Variants in CUL7 observed in about 807,000 individuals in gnomAD.
The protein encoded by CUL7 is cullin 7.
Under a neutral mutation model 177.7 loss-of-function variants are expected in CUL7, and 96 were observed. That is an observed-to-expected ratio of 0.54 (90% CI 0.46 to 0.64). The LOEUF (loss-of-function observed/expected upper bound fraction) is 0.64. Among genes scored for constraint, CUL7 ranks in the 30% least tolerant of loss-of-function variants. The probability of loss-of-function intolerance (pLI) is 0.00; values close to 1 mark genes in which losing one functional copy is unlikely to be tolerated. For missense variants in CUL7, 1,893 were observed against 2,187.9 expected (o/e 0.87, Z 2.69); for synonymous variants, 824 against 890.2 (o/e 0.93, Z 1.32).
chr6:43,038,899 C>T lies in CUL7; in HGVS notation c.4383G>A (p.Gln1461=). The change falls in exon 23 of 26, where the codon CAG becomes CAA. Residue 1461 remains glutamine, a synonymous_variant. Transcript: ENST00000265348. ...LGWAELQFGN[Q]TLHVSTVQMW... The stretch of plus-strand genomic sequence containing the variant: ...TCTGCACGGTGGACACATGCAGGGT[C>T]TGGTTCCCAAACTGCAGCTCAGCCC... The T allele has an allele frequency of 6.2e-7, 1 of 1,614,218 alleles. No individual in the cohort carries two copies. The highest frequency in any genetic ancestry group is 2.2e-5 in the East Asian group (1 of 44,888).
In CUL7 at chr6:43,044,655, G is replaced by A. The variant is rs888815892; in HGVS notation, c.3172+97C>T. ...ACAAATGCAGGTGCCAAAAGGGCCA[G>A]GACATAATCCAGGTGGTTCTAGGGT... is the stretch of plus-strand genomic sequence containing the variant. On this transcript the variant is annotated intron_variant, in intron 16 of 25. Transcript: ENST00000265348. 8.6e-6 allele frequency: 13 copies of A among 1,512,878 alleles called. No homozygotes were observed. The Admixed American group carries it at 2.6e-4, about 30-fold the overall frequency. 93.7% of individuals were successfully genotyped at this position (1,512,878 alleles called of 1,614,324 possible). A position where few individuals can be genotyped will look rare whatever the true frequency, so the allele number is the denominator to read the frequency against.
chr6:43,039,822 A>G (rs1458295856), intron 22 of CUL7, among the ~76,000 whole-genome samples: 1 of 143,724 alleles, frequency 7.0e-6, no homozygotes, highest in East Asian at 2.0e-4. Flanking sequence ...TCACTGCAAC[A>G]TCTGCCTGTG....
intron 10 of CUL7, 53 bp from the exon 11 acceptor site, chr6:43,046,654 A>G: frequency 6.2e-7 from 1 of 1,609,302 alleles, no homozygotes; most frequent in Non-Finnish European, 8.5e-7. Flanking sequence ...GAACACGGAG[A>G]CACACACGGA....
At position 43,052,438 on chromosome 6, in the gene CUL7, G is replaced by A; in HGVS notation, c.351C>T (p.Leu117=). ...LEEMETDVKS[L]IQRALRQLEE... is the part of the protein sequence containing the mutation. Reference sequence around the variant, plus strand: ...CCAGCTGCCGAAGGGCTCTCTGAATGAGGGACTTCACGTCGGTTTCCATCT... The same window carrying A: ...CCAGCTGCCGAAGGGCTCTCTGAATAAGGGACTTCACGTCGGTTTCCATCT... The change falls in exon 2 of 26, where the codon CTC becomes CTT. Residue 117 remains leucine, a synonymous_variant. Transcript: ENST00000265348. This position sits in a 1 kb window ranked among gnomAD's most constrained non-coding sequence, Gnocchi z 4.5. The A allele has an allele frequency of 1.2e-6, 2 of 1,614,116 alleles. No homozygotes were observed. The highest frequency in any genetic ancestry group is 1.7e-6 in the Non-Finnish European group (2 of 1,179,934).
Position 43,049,959 on chromosome 6 carries a change from C to G in CUL7, c.1569+4G>C, listed in dbSNP as rs1764259208. ...ACCTCTGAGTGTCTCCAGGCTGGCTCTACCTCCCCATCTAGGTTCTCCTGG... is the reference window on the plus strand; with the variant it reads ...ACCTCTGAGTGTCTCCAGGCTGGCTGTACCTCCCCATCTAGGTTCTCCTGG... On this transcript the variant is annotated splice_donor_region_variant and intron_variant, in intron 6 of 25. Coordinates refer to ENST00000265348, the MANE Select transcript of CUL7 (RefSeq NM_014780.5). 2 of 1,613,742 alleles carry G rather than the reference C, an allele frequency of 1.2e-6. No homozygotes were observed. Among genetic ancestry groups the G allele is most frequent in the Non-Finnish European group, 1.7e-6 (2 of 1,179,832 alleles).
rs1478816579 is a variant in CUL7, at chr6:43,047,173, A to ACT, written c.2170-67_2170-66insAG. On this transcript the variant is annotated intron_variant, in intron 9 of 25. Transcript: ENST00000265348. ...CGAGGGCCACAAGGGCACCTGCAGTAGCAGGTACCCACTGTGTACTCTGTG... is the reference window on the plus strand; with the variant it reads ...CGAGGGCCACAAGGGCACCTGCAGTACTGCAGGTACCCACTGTGTACTCTGTG... 6 of 871,608 alleles carry ACT rather than the reference A, an allele frequency of 6.9e-6. No individual in the cohort carries two copies. In the African/African-American group the frequency reaches 9.9e-5, roughly 14 times the overall value. 54.0% of individuals were successfully genotyped at this position (871,608 alleles called of 1,614,324 possible).
At chr6:43,048,668 A>G (rs1764133718) in intron 7 of CUL7, 99 bp from the exon 8 acceptor site, 2 of 890,342 alleles carry the variant, frequency 2.2e-6, no homozygotes, top group Non-Finnish European at 3.5e-6. Context: ...AATTTCTCCT[A>G]AAAAATGTTT....
chr6:43,051,408 C>G lies in CUL7; in HGVS notation c.793G>C (p.Asp265His), dbSNP rs1184609254. The G allele has an allele frequency of 9.3e-6, 15 of 1,614,126 alleles. No homozygotes were observed. Among genetic ancestry groups the G allele is most frequent in the Non-Finnish European group, 1.3e-5 (15 of 1,180,024 alleles). The change falls in exon 4 of 26, where the codon GAT becomes CAT. Residue 265 changes from aspartate to histidine, a missense_variant. Physicochemically the swap from Asp to His is moderately conservative, Grantham distance 81 (BLOSUM62 -1). Transcript: ENST00000265348. The surrounding 1 kb of genome is among the most constrained non-coding windows in gnomAD (Gnocchi z 5.0). Reference protein sequence around the residue: ...KRYLHVTSLLDQLNDSAAEPG... With the variant: ...KRYLHVTSLLHQLNDSAAEPG... ...TCCGCAGCACTGTCGTTCAGCTGAT[C>G]CAGGAGCGAGGTGACATGCAAATAC... is the stretch of plus-strand genomic sequence containing the variant.
chr6:43,045,901 GAAA>G lies in CUL7; in HGVS notation c.2766+82_2766+84del. 1.6e-6 allele frequency: 2 copies of G among 1,242,266 alleles called. No homozygotes were observed. The highest frequency in any genetic ancestry group is 3.7e-5 in the Admixed American group (2 of 53,346). 77.0% of individuals were successfully genotyped at this position (1,242,266 alleles called of 1,614,324 possible). A position where few individuals can be genotyped will look rare whatever the true frequency, so the allele number is the denominator to read the frequency against. On this transcript the variant is annotated intron_variant, in intron 13 of 25. Coordinates refer to ENST00000265348, the MANE Select transcript of CUL7 (RefSeq NM_014780.5). The surrounding 1 kb of genome is among the most constrained non-coding windows in gnomAD (Gnocchi z 4.8). Reference sequence around the variant, plus strand: ...TGGGGCTCAAGACAGGTGGGAGTTAGAAAAAAGTAGGATAGGGCCAGATAGAAG... The same window carrying G: ...TGGGGCTCAAGACAGGTGGGAGTTAGAAAGTAGGATAGGGCCAGATAGAAG...
At position 43,052,382 on chromosome 6, in the gene CUL7, G is replaced by T; in HGVS notation, c.407C>A (p.Pro136His). The T allele has an allele frequency of 6.2e-7, 1 of 1,614,252 alleles. No individual in the cohort carries two copies. The highest frequency in any genetic ancestry group is 8.5e-7 in the Non-Finnish European group (1 of 1,180,052). The change falls in exon 2 of 26, where the codon CCT (proline) becomes CAT (histidine). Residue 136 changes from proline (P) to histidine (H), a missense_variant. Physicochemically the swap from Pro to His is moderately conservative, Grantham distance 77. Around this residue, in one of 5 missense-constraint regions of CUL7, gnomAD observed 653 missense variants for 725.2 expected, o/e 0.90. Coordinates refer to ENST00000265348, the MANE Select transcript of CUL7 (RefSeq NM_014780.5). The surrounding 1 kb of genome is among the most constrained non-coding windows in gnomAD (Gnocchi z 4.5). ...EECVGTIPPAPLLHTVHVLSA... is the reference protein window; with the variant it reads ...EECVGTIPPAHLLHTVHVLSA... ...GAGCACGTGGACAGTGTGAAGTAGA[G>T]GAGCAGGAGGGATAGTGCCCACACA...
In CUL7 at chr6:43,038,641, G is replaced by C. The variant is rs1294277576; in HGVS notation, c.4492C>G (p.Leu1498Val). The C allele has an allele frequency of 6.2e-7, 1 of 1,614,010 alleles. No individual in the cohort carries two copies. The highest frequency in any genetic ancestry group is 1.3e-5 in the African/African-American group (1 of 75,048). The stretch of plus-strand genomic sequence containing the variant: ...GTGAGGGGCCCAATCGCCTGATTGA[G>C]CATGTCTGCGGAGAGCCCTGAGAAC... ...LAFSGLSADM[L>V]NQAIGPLTSS... Residue 1498 changes from leucine to valine, a missense_variant, in exon 24 of 26, where the codon CTC (leucine) becomes GTC (valine). This residue lies in a region of CUL7 where 248 missense variants were observed against 262.5 expected (regional missense o/e 0.94). Coordinates refer to ENST00000265348, the MANE Select transcript of CUL7 (RefSeq NM_014780.5).
rs572122051 is a variant in CUL7, at chr6:43,049,407, C to G, written c.1825G>C (p.Ala609Pro). 1.2e-6 allele frequency: 2 copies of G among 1,614,174 alleles called. No individual in the cohort carries two copies. The highest frequency in any genetic ancestry group is 1.7e-5 in the Admixed American group (1 of 60,020). Residue 609 changes from alanine to proline, a missense_variant and splice_region_variant, in exon 7 of 26, where the codon GCA (alanine) becomes CCA (proline). Around this residue, in one of 5 missense-constraint regions of CUL7, gnomAD observed 973 missense variants for 1,140.9 expected, o/e 0.85. Transcript: ENST00000265348. The stretch of plus-strand genomic sequence containing the variant: ...CTCAGCTGCTGTGTCTGGCACCCAC[C>G]TTCCACTTTGGCTGCATCTTCTGAG... Reference protein sequence around the residue: ...KDSEDAAKVEAKEPPSQSPNT... With the variant: ...KDSEDAAKVEPKEPPSQSPNT...
At position 43,044,787 on chromosome 6, in the gene CUL7, A is replaced by G. The variant is rs1763747612; in HGVS notation, c.3137T>C (p.Leu1046Pro). The G allele has an allele frequency of 6.2e-7, 1 of 1,613,298 alleles. No homozygotes were observed. Among genetic ancestry groups the G allele is most frequent in the Non-Finnish European group, 8.5e-7 (1 of 1,179,312 alleles). ...QALGKTCWEA[L>P]VSPVVQNITS... ...GATGTTCTGCACCACGGGGCTGACC[A>G]GGGCCTCCCAGCAGGTCTTGCCCAG... Residue 1046 changes from leucine (L) to proline (P), a missense_variant, in exon 16 of 26, where the codon CTG (leucine) becomes CCG (proline). Transcript: ENST00000265348.
Position 43,045,659 on chromosome 6 carries a change from GCTGGCAGAGGGCATCACATTCAC to G in CUL7, c.2767_2789del (p.Val923ProfsTer28). 3 of 1,614,218 alleles carry G rather than the reference GCTGGCAGAGGGCATCACATTCAC, an allele frequency of 1.9e-6. No individual in the cohort carries two copies. The highest frequency in any genetic ancestry group is 8.5e-7 in the Non-Finnish European group (1 of 1,180,030). On this transcript the variant is annotated frameshift_variant and splice_region_variant, in exon 14 of 26. Transcript: ENST00000265348. LOFTEE classifies it high-confidence loss of function. This position sits in a 1 kb window ranked among gnomAD's most constrained non-coding sequence, Gnocchi z 4.8. ...TCAGGTTCTCCAGGAGGATCACCCG[GCTGGCAGAGGGCATCACATTCAC>G]CTGGCAGGGGGCAGAGAAAGCTGTC...
At chr6:43,047,824 A>G (rs778393328) in intron 9 of CUL7, 3 of 349,774 alleles carry the variant, frequency 8.6e-6, no homozygotes, top group Admixed American at 4.3e-5. Flanking sequence ...GGGTTTGCTT[A>G]TATTTGCATA....
chr6:43,046,847 A>G, intron 10 of CUL7, 33 bp downstream of exon 10: 1 of 1,388,068 alleles, frequency 7.2e-7, no homozygotes, highest in Middle Eastern at 1.8e-4. Context: ...TTCTGATGCC[A>G]CTCTAAGCCC....
rs376536239 is a variant in CUL7 at position 43,046,058 on chromosome 6, C to T, written c.2694G>A (p.Ser898=). Residue 898 remains serine, a synonymous_variant, in exon 13 of 26, where the codon TCG becomes TCA. Coordinates refer to ENST00000265348, the MANE Select transcript of CUL7 (RefSeq NM_014780.5). The stretch of plus-strand genomic sequence containing the variant: ...CCACCACTCGGGCCGGCATGTAACT[C>T]GAGTCCTCACTAGCCACAAGCAGAG... ...QLTLLVASED[S]SYMPARVVVC... is the part of the protein sequence containing the mutation. The T allele has an allele frequency of 9.9e-6, 16 of 1,613,998 alleles. No individual in the cohort carries two copies. The highest frequency in any genetic ancestry group is 2.7e-5 in the African/African-American group (2 of 74,880).
chr6:43,044,617 C>T, intron 16 of CUL7, 135 bp downstream of exon 16: 1 of 1,264,340 alleles, frequency 7.9e-7, no homozygotes, highest in Non-Finnish European at 1.1e-6. Context: ...TGTGAGAAGA[C>T]AGCACTGGGA....
In CUL7 at chr6:43,052,569, T is replaced by G; in HGVS notation, c.220A>C (p.Ile74Leu). 1 of 1,614,202 alleles carries G rather than the reference T, an allele frequency of 6.2e-7. No homozygotes were observed. Among genetic ancestry groups the G allele is most frequent in the Non-Finnish European group, 8.5e-7 (1 of 1,180,030 alleles). Residue 74 changes from isoleucine to leucine, a missense_variant, in exon 2 of 26, where the codon ATC becomes CTC. Ile to Leu is a conservative substitution (Grantham distance 5). This residue lies in a region of CUL7 where 653 missense variants were observed against 725.2 expected (regional missense o/e 0.90). Transcript: ENST00000265348. The surrounding 1 kb of genome is among the most constrained non-coding windows in gnomAD (Gnocchi z 4.5). ...AGCATCTTGTGGCAGTTGGCATAGA[T>G]CTCATCCTTGGACATCCACAGCAGG... Reference protein sequence around the residue: ...HILLWMSKDEIYANCHKMLGE... With the variant: ...HILLWMSKDELYANCHKMLGE...
Sources: allele counts gnomAD v4.1 joint callset (sites outside exome capture counted in the v4.1 genomes callset), GRCh38; gene constraint gnomAD v4.1.1; regional missense constraint gnomAD v4.1.1; non-coding constraint Gnocchi (gnomAD v3.1); transcripts MANE v1.5; gene names NCBI Gene and HGNC (gene_info 2026-07-23, HGNC 2026-07-21).